NEUROD1: variants seen among roughly 807,000 people sequenced by gnomAD.
NEUROD1 encodes the protein neuronal differentiation 1.
Under a neutral mutation model 21.8 loss-of-function variants are expected in NEUROD1, and 9 were observed. The ratio of observed to expected loss-of-function variants is 0.41; its 90% confidence interval spans 0.25 to 0.72. The LOEUF (loss-of-function observed/expected upper bound fraction) is 0.72. Ranked by LOEUF, NEUROD1 falls within the 30% of genes least tolerant of loss-of-function variation. The pLI, the probability that NEUROD1 is intolerant of heterozygous loss-of-function variation, is 0.31. For missense variants in NEUROD1, 434 were observed against 468.8 expected (o/e 0.93, Z 0.69); for synonymous variants, 199 against 186.2 (o/e 1.07, Z -0.56).
downstream of NEUROD1, among the ~76,000 whole-genome samples, chr2:181,674,366 T>G (rs1370570959): frequency 1.8e-4 from 27 of 152,198 alleles, no homozygotes; most frequent in Admixed American, 1.7e-3. Context: ...CATTTTTTTT[T>G]GGTTGGTTTT....
downstream of NEUROD1, among the ~76,000 whole-genome samples, chr2:181,669,762 A>G (rs1363645089): frequency 6.6e-6 from 1 of 152,242 alleles, no homozygotes; most frequent in Admixed American, 6.5e-5. Flanking sequence ...AAACAGACCA[A>G]TCAAGATTAA....
exon 2 of NEUROD1, among the ~76,000 whole-genome samples, chr2:181,670,672 A>C (rs1006125406): frequency 6.6e-6 from 1 of 152,042 alleles, no homozygotes; most frequent in Non-Finnish European, 1.5e-5. Context: ...TCAGAAGGAG[A>C]AGCTGAGAAT....
chr2:181,678,598 T>C lies in NEUROD1; in HGVS notation c.263A>G (p.Lys88Arg). Reference sequence around the variant, plus strand: ...CAGGCGAGCCTTAGTCATCTTCTTCTTTTTGGGGCCGCGTCTCTTGGGCTT... The same window carrying C: ...CAGGCGAGCCTTAGTCATCTTCTTCCTTTTGGGGCCGCGTCTCTTGGGCTT... Reference protein sequence around the residue: ...DQKPKRRGPKKKKMTKARLER... With the variant: ...DQKPKRRGPKRKKMTKARLER... Residue 88 changes from lysine (K) to arginine (R), a missense_variant, in exon 2 of 2, where the codon AAG (lysine) becomes AGG (arginine). Transcript: ENST00000295108. The surrounding 1 kb of genome is among the most constrained non-coding windows in gnomAD (Gnocchi z 5.5). The C allele has an allele frequency of 1.2e-6, 2 of 1,614,200 alleles. No homozygotes were observed. The highest frequency in any genetic ancestry group is 1.7e-6 in the Non-Finnish European group (2 of 1,180,028).
Position 181,678,465 on chromosome 2 carries a change from A to C in NEUROD1, c.396T>G (p.Ser132=). 1.9e-6 allele frequency: 3 copies of C among 1,614,224 alleles called. No individual in the cohort carries two copies. Among genetic ancestry groups the C allele is most frequent in the Non-Finnish European group, 2.5e-6 (3 of 1,180,048 alleles). Residue 132 remains serine (S), a synonymous_variant, in exon 2 of 2, where the codon TCT becomes TCG. Coordinates refer to ENST00000295108, the MANE Select transcript of NEUROD1 (RefSeq NM_002500.5). This position sits in a 1 kb window ranked among gnomAD's most constrained non-coding sequence, Gnocchi z 5.5. ...DNLRKVVPCY[S]KTQKLSKIET... ...CGATTTTGGACAGCTTCTGCGTCTT[A>C]GAATAGCAAGGCACCACCTTGCGCA... is the stretch of plus-strand genomic sequence containing the variant.
At chr2:181,679,550 C>T (rs1688659799) in intron 1 of NEUROD1, among the ~76,000 whole-genome samples, 6 of 152,356 alleles carry the variant, frequency 3.9e-5, no homozygotes, top group Admixed American at 3.9e-4. Flanking sequence ...CATCTCTGGC[C>T]CACCGCTAAA....
downstream of NEUROD1, among the ~76,000 whole-genome samples, chr2:181,675,974 T>A (rs1688562437): frequency 6.6e-6 from 1 of 152,196 alleles, no homozygotes; most frequent in South Asian, 2.1e-4. Flanking sequence ...AGTACTAGTT[T>A]GCAAGATAAA....
chr2:181,675,785 G>A (rs889314994), downstream of NEUROD1, among the ~76,000 whole-genome samples: 3 of 151,904 alleles, frequency 2.0e-5, no homozygotes, highest in African/African-American at 7.3e-5. Flanking sequence ...CCTAAATACA[G>A]TACAAATAGT....
At chr2:181,670,485 T>C (rs1250329724) in exon 2 of NEUROD1, among the ~76,000 whole-genome samples, 2 of 152,216 alleles carry the variant, frequency 1.3e-5, no homozygotes, top group Non-Finnish European at 2.9e-5. Flanking sequence ...CCTATACTTA[T>C]ATATATTTAA....
rs138301552 is a variant in NEUROD1, at chr2:181,678,289, T to C, written c.572A>G (p.Asn191Ser). 2 of 1,613,980 alleles carry C rather than the reference T, an allele frequency of 1.2e-6. No individual in the cohort carries two copies. The highest frequency in any genetic ancestry group is 2.2e-5 in the East Asian group (1 of 44,860). The change falls in exon 2 of 2, where the codon AAT (asparagine) becomes AGT (serine). Residue 191 changes from asparagine to serine, a missense_variant. Transcript: ENST00000295108. The surrounding 1 kb of genome is among the most constrained non-coding windows in gnomAD (Gnocchi z 5.5). ...CTGCTCAGGCAGAAAAGTCCGAGGA[T>C]TGAGTTGCAGGCAGCCCGCAACCAG... is the stretch of plus-strand genomic sequence containing the variant. ...TNLVAGCLQL[N>S]PRTFLPEQNQ...
At chr2:181,675,408 C>G (rs1688554123), downstream of NEUROD1, among the ~76,000 whole-genome samples, 1 of 152,140 alleles carries the variant, frequency 6.6e-6, no homozygotes, top group Non-Finnish European at 1.5e-5. Context: ...TCTGGAGCAG[C>G]TTGCTAAATG....
At position 181,678,696 on chromosome 2, in the gene NEUROD1, G is replaced by A. The variant is rs903877920; in HGVS notation, c.165C>T (p.Asn55=). 3 of 1,610,924 alleles carry A rather than the reference G, an allele frequency of 1.9e-6. No homozygotes were observed. Among genetic ancestry groups the A allele is most frequent in the Non-Finnish European group, 1.7e-6 (2 of 1,178,498 alleles). Residue 55 remains asparagine (N), a synonymous_variant, in exon 2 of 2, where the codon AAC becomes AAT. Transcript: ENST00000295108. The surrounding 1 kb of genome is among the most constrained non-coding windows in gnomAD (Gnocchi z 5.5). ...CATCTTCGTCCTCCTCCTCTCCCCC[G>A]TTCCTCAGTGAGTCCTCCTCTGCGT... ...TMNAEEDSLR[N]GGEEEDEDED...
chr2:181,669,772 A>G (rs1157561550), downstream of NEUROD1, among the ~76,000 whole-genome samples: 1 of 152,238 alleles, frequency 6.6e-6, no homozygotes, highest in African/African-American at 2.4e-5. Context: ...ATCAAGATTA[A>G]AAACAAGACA....
chr2:181,674,838 A>G (rs185686635), downstream of NEUROD1, among the ~76,000 whole-genome samples: 10 of 151,968 alleles, frequency 6.6e-5, no homozygotes, highest in Admixed American at 2.0e-4. Context: ...TTTAGTCTTC[A>G]TTTCTACCTT....
chr2:181,679,587 T>C (rs369130356), intron 1 of NEUROD1, among the ~76,000 whole-genome samples: 1 of 152,350 alleles, frequency 6.6e-6, no homozygotes, highest in East Asian at 1.9e-4. Flanking sequence ...AAGCGCTAGC[T>C]GCAGGGCGAG....
rs759618264 is a variant in NEUROD1 at position 181,678,794 on chromosome 2, T to C, written c.67A>G (p.Thr23Ala). 6.2e-7 allele frequency: 1 copy of C among 1,613,978 alleles called. No homozygotes were observed. Among genetic ancestry groups the C allele is most frequent in the African/African-American group, 1.3e-5 (1 of 74,918 alleles). ...EPQPQGPPSWTDECLSSQDEE... is the reference protein window; with the variant it reads ...EPQPQGPPSWADECLSSQDEE... ...TCCTGAGAACTGAGACACTCGTCTGTCCAGCTTGGAGGACCTTGGGGCTGA... is the reference window on the plus strand; with the variant it reads ...TCCTGAGAACTGAGACACTCGTCTGCCCAGCTTGGAGGACCTTGGGGCTGA... The change falls in exon 2 of 2, where the codon ACA becomes GCA. Residue 23 changes from threonine to alanine, a missense_variant. Transcript: ENST00000295108. The surrounding 1 kb of genome is among the most constrained non-coding windows in gnomAD (Gnocchi z 5.5).
chr2:181,680,073 A>ATT (rs963216799), intron 1 of NEUROD1, among the ~76,000 whole-genome samples: 7 of 151,880 alleles, frequency 4.6e-5, no homozygotes, highest in African/African-American at 1.7e-4. Flanking sequence ...GATAACATAG[A>ATT]TTTTTTTTTC....
chr2:181,677,890 G>A lies in NEUROD1; in HGVS notation c.971C>T (p.Pro324Leu). Residue 324 changes from proline (P) to leucine (L), a missense_variant, in exon 2 of 2, where the codon CCT (proline) becomes CTT (leucine). Pro to Leu is a moderately conservative substitution (Grantham distance 98). Transcript: ENST00000295108. ...ATTGTCTATGGGGATCTCGCAGCGA[G>A]GGGCAGCGGTGCCTGAGAAGATTGA... ...HGSIFSGTAA[P>L]RCEIPIDNIM... 1.2e-6 allele frequency: 2 copies of A among 1,614,220 alleles called. No individual in the cohort carries two copies. The highest frequency in any genetic ancestry group is 1.7e-6 in the Non-Finnish European group (2 of 1,180,034).
At chr2:181,673,790 A>C (rs1688529027), downstream of NEUROD1, among the ~76,000 whole-genome samples, 1 of 152,194 alleles carries the variant, frequency 6.6e-6, no homozygotes, top group Non-Finnish European at 1.5e-5. Flanking sequence ...ACTGTTAGCT[A>C]ATGATCCATA....
At chr2:181,672,726 A>T (rs1688515120), downstream of NEUROD1, among the ~76,000 whole-genome samples, 1 of 152,214 alleles carries the variant, frequency 6.6e-6, no homozygotes, top group Non-Finnish European at 1.5e-5. Flanking sequence ...ACAGGAATGC[A>T]AATATCTAGG....
Sources: gnomAD v4.1 joint callset for allele counts (sites outside exome capture counted in the v4.1 genomes callset) on GRCh38, gnomAD v4.1.1 for gene constraint, Gnocchi (gnomAD v3.1) non-coding constraint, MANE v1.5 for transcripts, NCBI Gene and HGNC (gene_info 2026-07-23, HGNC 2026-07-21) for gene names.